Variants in ABCB8 observed in about 807,000 individuals in gnomAD.
ABCB8 encodes ATP binding cassette subfamily B member 8.
In ABCB8, 52 loss-of-function variants were observed where a neutral mutation model predicts 73.0. That is an observed-to-expected ratio of 0.71 (90% confidence interval 0.57 to 0.90). The LOEUF (loss-of-function observed/expected upper bound fraction) is 0.90, where lower values mean the gene tolerates loss of function less well. Ranked by LOEUF, ABCB8 falls within the 40% of genes least tolerant of loss-of-function variation. ABCB8 has a pLI of 0.00. For missense variants in ABCB8, 909 were observed against 974.6 expected (o/e 0.93, Z 0.90); for synonymous variants, 428 against 423.5 (o/e 1.01, Z -0.13).
rs1796646822 is a variant in ABCB8, at chr7:151,047,552, T to C, written c.*2203T>C. ...ACAGTCCCTGCCCCCATGAAGCTTG[T>C]GTCCTGTTGGGAGGACAGACAGGTG... On this transcript the variant is annotated 3_prime_UTR_variant, in exon 16 of 16. Coordinates refer to ENST00000358849, the MANE Select transcript of ABCB8 (RefSeq NM_007188.5). The C allele has an allele frequency of 6.6e-6, 1 of 152,256 alleles. No individual in the cohort carries two copies. The highest frequency in any genetic ancestry group is 2.4e-5 in the African/African-American group (1 of 41,452). 9.4% of individuals were successfully genotyped at this position (152,256 alleles called of 1,614,324 possible).
intron 7 of ABCB8, 49 bp downstream of exon 7, chr7:151,036,016 T>C (rs1331928598): frequency 6.2e-7 from 1 of 1,612,922 alleles, no homozygotes. Flanking sequence ...CCCCACACCC[T>C]GCCAACCCTT....
At chr7:151,032,888 G>A (rs1239143523) in intron 1 of ABCB8, 6 of 387,066 alleles carry the variant, frequency 1.6e-5, no homozygotes, top group East Asian at 7.5e-5. Context: ...GCCAGGGAGG[G>A]GAGGTAGGGT....
At chr7:151,033,253 AGTGT>A (rs1796213259) in intron 1 of ABCB8, 3 of 445,438 alleles carry the variant, frequency 6.7e-6, no homozygotes, top group Non-Finnish European at 1.2e-5. Flanking sequence ...CTGTCCAGGC[AGTGT>A]GTGGCCATCT....
At chr7:151,044,255 G>A (rs372489763) in intron 15 of ABCB8, 34 bp downstream of exon 15, 129 of 1,584,812 alleles carry the variant, frequency 8.1e-5, no homozygotes, top group Non-Finnish European at 1.1e-4. Context: ...TCAGTGGGTT[G>A]AGGATGGCTT....
rs532610206 is a variant in ABCB8, at chr7:151,044,327, C to T, written c.2016+106C>T. On this transcript the variant is annotated intron_variant, in intron 15 of 15. Transcript: ENST00000358849. The stretch of plus-strand genomic sequence containing the variant: ...ATGAAGTTGTGGCCTGGCCCCAGGG[C>T]CTTGGGGGCTATATTCTGGAAGCAG... 518 of 1,504,660 alleles carry T rather than the reference C, an allele frequency of 3.4e-4. 5 individuals carry two copies. The Admixed American group carries it at 9.1e-3, about 26-fold the overall frequency. The allele number at this position is 1,504,660 out of a possible 1,614,324, so 93.2% of individuals were successfully genotyped here.
Position 151,034,354 on chromosome 7 carries a change from A to G in ABCB8, c.490A>G (p.Arg164Gly), listed in dbSNP as rs1459683554. ...GGTAGAGGTCGTGGCCAAGTACACA[A>G]GGGACCACGTAGGGAGTTTCATGAC... ...QLVEVVAKYTRDHVGSFMTES... is the reference protein window; with the variant it reads ...QLVEVVAKYTGDHVGSFMTES... The change falls in exon 3 of 16, where the codon AGG becomes GGG. Residue 164 changes from arginine (R) to glycine (G), a missense_variant. Physicochemically the swap from Arg to Gly is moderately radical, Grantham distance 125. Coordinates refer to ENST00000358849, the MANE Select transcript of ABCB8 (RefSeq NM_007188.5). 6.2e-7 allele frequency: 1 copy of G among 1,613,900 alleles called. No individual in the cohort carries two copies.
At chr7:151,044,375 TC>T (rs1054652869) in intron 15 of ABCB8, among the ~76,000 whole-genome samples, 154 bp downstream of exon 15, 5 of 152,170 alleles carry the variant, frequency 3.3e-5, no homozygotes, top group Non-Finnish European at 7.4e-5. Context: ...AGTCAGGAGT[TC>T]CTGCATTCAG....
chr7:151,037,545 T>C, intron 9 of ABCB8: 2 of 572,672 alleles, frequency 3.5e-6, no homozygotes, highest in South Asian at 2.0e-5. Context: ...TACATAAATA[T>C]GTTATGGTAA....
At chr7:151,029,976 T>A (rs753508890) in intron 1 of ABCB8, among the ~76,000 whole-genome samples, 9 of 152,294 alleles carry the variant, frequency 5.9e-5, no homozygotes, top group Non-Finnish European at 1.2e-4. Flanking sequence ...ATCCACATGC[T>A]CTTGGCAACG....
chr7:151,036,278 G>A (rs1563293316), intron 8 of ABCB8, 108 bp downstream of exon 8: 22 of 1,160,516 alleles, frequency 1.9e-5, no homozygotes, highest in Middle Eastern at 2.6e-4. Flanking sequence ...GCCTGCATTC[G>A]CCTCGGGCCA....
In ABCB8 at chr7:151,028,549, G is replaced by T; in HGVS notation, c.34G>T (p.Gly12Cys). The change falls in exon 1 of 16, where the codon GGT (glycine) becomes TGT (cysteine). Residue 12 changes from glycine to cysteine, a missense_variant. Physicochemically the swap from Gly to Cys is radical, Grantham distance 159. Coordinates refer to ENST00000358849, the MANE Select transcript of ABCB8 (RefSeq NM_007188.5). The stretch of plus-strand genomic sequence containing the variant: ...GCATTTATTTCGGGTCGGGATTCGG[G>T]GTGGCCCATTCCCAGGCAGGCTGCT... ...LVHLFRVGIR[G>C]GPFPGRLLPP... 6.2e-7 allele frequency: 1 copy of T among 1,614,048 alleles called. No homozygotes were observed. The highest frequency in any genetic ancestry group is 1.1e-5 in the South Asian group (1 of 91,070).
Position 151,033,627 on chromosome 7 carries a change from T to A in ABCB8, c.118T>A (p.Ser40Thr). 1 of 1,588,684 alleles carries A rather than the reference T, an allele frequency of 6.3e-7. No homozygotes were observed. The change falls in exon 2 of 16, where the codon TCC (serine) becomes ACC (threonine). Residue 40 changes from serine (S) to threonine (T), a missense_variant. By Grantham distance (58) the Ser-to-Thr change is moderately conservative. Coordinates refer to ENST00000358849, the MANE Select transcript of ABCB8 (RefSeq NM_007188.5). ...CAGGTACTCTGATGGCTACCGCAGC[T>A]CCTCCCTCCTCCGGGCCGTGGCCCA... ...AVRYSDGYRS[S>T]SLLRAVAHLR...
intron 1 of ABCB8, among the ~76,000 whole-genome samples, chr7:151,030,756 A>G (rs1243235791): frequency 6.6e-6 from 1 of 152,008 alleles, no homozygotes; most frequent in Non-Finnish European, 1.5e-5. Context: ...CCTAGCCAAC[A>G]TGGTGAAGCC....
At chr7:151,040,095 C>CGATCT in intron 9 of ABCB8, 173 bp from the exon 10 acceptor site, 1 of 669,866 alleles carries the variant, frequency 1.5e-6, no homozygotes. Context: ...CAGGGCTCAG[C>CGATCT]GATCTGGTGT....
Position 151,036,181 on chromosome 7 carries a change from C to A in ABCB8, c.1111+11C>A. On this transcript the variant is annotated intron_variant, in intron 8 of 15. Transcript: ENST00000358849. ...ACATCGCCTTCAACTGTGAGTGAGC[C>A]ATTTGGGGGCTGGAGGGGCGCTTGT... The A allele has an allele frequency of 6.3e-7, 1 of 1,595,880 alleles. No homozygotes were observed. Among genetic ancestry groups the A allele is most frequent in the Non-Finnish European group, 8.6e-7 (1 of 1,167,446 alleles).
At position 151,040,935 on chromosome 7, in the gene ABCB8, C is replaced by T; in HGVS notation, c.1483+13C>T. ...CAGTCTGGCGGAGGTAAGGGGAGCC[C>T]ACCACCTCTTCACCCTCTGACTCTT... On this transcript the variant is annotated intron_variant, in intron 12 of 15. Transcript: ENST00000358849. The T allele has an allele frequency of 6.3e-7, 1 of 1,599,362 alleles. No homozygotes were observed. The highest frequency in any genetic ancestry group is 8.5e-7 in the Non-Finnish European group (1 of 1,172,758).
In ABCB8 at chr7:151,044,117, G is replaced by T; in HGVS notation, c.1912G>T (p.Asp638Tyr). 1 of 1,613,932 alleles carries T rather than the reference G, an allele frequency of 6.2e-7. No individual in the cohort carries two copies. The highest frequency in any genetic ancestry group is 8.5e-7 in the Non-Finnish European group (1 of 1,179,970). Residue 638 changes from aspartate (D) to tyrosine (Y), a missense_variant, in exon 15 of 16, where the codon GAC (aspartate) becomes TAC (tyrosine). Coordinates refer to ENST00000358849, the MANE Select transcript of ABCB8 (RefSeq NM_007188.5). The stretch of plus-strand genomic sequence containing the variant: ...CGAGCGGGTTGTACAGGAGGCCCTG[G>T]ACCGGGCCAGTGCAGGCCGCACGGT... ...ESERVVQEAL[D>Y]RASAGRTVLV... is the part of the protein sequence containing the mutation.
At chr7:151,039,902 C>T (rs1175881645) in intron 9 of ABCB8, 6 of 213,324 alleles carry the variant, frequency 2.8e-5, no homozygotes, top group South Asian at 8.5e-5. Context: ...CTCCCTTCCT[C>T]GTGGGCTGAT....
chr7:151,028,638 G>A, intron 1 of ABCB8, 28 bp downstream of exon 1: 1 of 1,603,234 alleles, frequency 6.2e-7, no homozygotes, highest in Admixed American at 1.7e-5. Flanking sequence ...TACTCAGAGC[G>A]GGCCATTGAC....
Sources: allele counts gnomAD v4.1 joint callset (sites outside exome capture counted in the v4.1 genomes callset), GRCh38; gene constraint gnomAD v4.1.1; transcripts MANE v1.5; gene names NCBI Gene and HGNC (gene_info 2026-07-23, HGNC 2026-07-21).